The following AGBL4 variants were observed in gnomAD, a reference collection of about 807,000 sequenced individuals.
The protein encoded by AGBL4 is cytosolic carboxypeptidase 6.
In AGBL4, 58 loss-of-function variants were observed where a neutral mutation model predicts 66.4. That is an observed-to-expected ratio of 0.87 (90% CI 0.71 to 1.09). The LOEUF (loss-of-function observed/expected upper bound fraction) is 1.09, where lower values mean the gene tolerates loss of function less well. Among genes scored for constraint, AGBL4 ranks in the 50% least tolerant of loss-of-function variants. The probability of loss-of-function intolerance (pLI) is 0.00; values close to 1 mark genes in which losing one functional copy is unlikely to be tolerated. For synonymous variants in AGBL4, 234 were observed against 222.9 expected, an observed-to-expected ratio of 1.05 and a Z score of -0.44; for missense variants, 579 against 631.0, an observed-to-expected ratio of 0.92 and a Z score of 0.88.
At chr1:49,826,812 C>G (rs1364121319) in intron 2 of AGBL4, among the ~76,000 whole-genome samples, 1 of 152,092 alleles carries the variant, frequency 6.6e-6, no homozygotes, top group Admixed American at 6.6e-5. Context: ...TTCCTGCCCT[C>G]AAGAAGTTTA....
At chr1:49,349,935 G>C (rs1645715219) in intron 3 of AGBL4, among the ~76,000 whole-genome samples, 2 of 152,158 alleles carry the variant, frequency 1.3e-5, no homozygotes, top group South Asian at 4.1e-4. Context: ...TACAAGCCAG[G>C]GAGGAGGCCT....
At chr1:49,886,683 T>G (rs1037810745) in intron 1 of AGBL4, among the ~76,000 whole-genome samples, 1 of 152,158 alleles carries the variant, frequency 6.6e-6, no homozygotes, top group Non-Finnish European at 1.5e-5. Context: ...CACCCTGTCA[T>G]GCAGAAGCAG....
At chr1:49,547,775 C>CTT (rs376829267) in intron 3 of AGBL4, among the ~76,000 whole-genome samples, 6 of 142,574 alleles carry the variant, frequency 4.2e-5, no homozygotes, top group Admixed American at 7.0e-5. Flanking sequence ...GGGGTTGAGT[C>CTT]TTTTTTTTTT....
intron 6 of AGBL4, among the ~76,000 whole-genome samples, chr1:48,841,184 G>A (rs578158540): frequency 6.6e-6 from 1 of 152,250 alleles, no homozygotes; most frequent in African/African-American, 2.4e-5. Flanking sequence ...TATCCTGGTT[G>A]TGGTGGCAGT....
chr1:48,698,071 C>G (rs923834075), intron 6 of AGBL4, among the ~76,000 whole-genome samples: 20 of 152,184 alleles, frequency 1.3e-4, no homozygotes, highest in African/African-American at 4.3e-4. Flanking sequence ...AGCCCAGGCT[C>G]TGGACTGTGT....
chr1:48,764,035 T>C (rs771855323), intron 6 of AGBL4, among the ~76,000 whole-genome samples: 1 of 152,130 alleles, frequency 6.6e-6, no homozygotes, highest in African/African-American at 2.4e-5. Flanking sequence ...CTCTGTAGGA[T>C]CTAAACTGGC....
chr1:49,572,355 C>T (rs1249132704), intron 3 of AGBL4, among the ~76,000 whole-genome samples: 1 of 152,152 alleles, frequency 6.6e-6, no homozygotes, highest in East Asian at 1.9e-4. Flanking sequence ...TCATGACATA[C>T]AATTCTTTGC....
At chr1:48,659,025 G>C (rs1357220466) in intron 7 of AGBL4, among the ~76,000 whole-genome samples, 1 of 152,140 alleles carries the variant, frequency 6.6e-6, no homozygotes, top group Non-Finnish European at 1.5e-5. Flanking sequence ...AGGAGACCTC[G>C]ATCTAGTCCC....
chr1:49,865,877 G>A (rs1646687593), intron 1 of AGBL4: 3 of 344,234 alleles, frequency 8.7e-6, no homozygotes, highest in South Asian at 4.8e-5. Flanking sequence ...CATTACAGGA[G>A]CTGTTAATCA....
At chr1:49,382,321 G>C (rs967247327) in intron 3 of AGBL4, among the ~76,000 whole-genome samples, 1 of 151,974 alleles carries the variant, frequency 6.6e-6, no homozygotes. Flanking sequence ...TATAAGTTAG[G>C]CAATGCATCA....
At chr1:49,523,406 G>A (rs1447321766) in intron 3 of AGBL4, among the ~76,000 whole-genome samples, 2 of 152,040 alleles carry the variant, frequency 1.3e-5, no homozygotes, top group Non-Finnish European at 2.9e-5. Context: ...ACAGCGCAGA[G>A]TCATAAGGAT....
chr1:49,199,468 T>C (rs1376765225), intron 4 of AGBL4, among the ~76,000 whole-genome samples: 1 of 152,176 alleles, frequency 6.6e-6, no homozygotes, highest in Non-Finnish European at 1.5e-5. Flanking sequence ...GCTGTCCTCT[T>C]AAACAGAAAA....
chr1:49,609,992 A>G (rs1481631758), intron 3 of AGBL4, among the ~76,000 whole-genome samples: 1 of 152,190 alleles, frequency 6.6e-6, no homozygotes, highest in East Asian at 1.9e-4. Context: ...TTCAGAGTAG[A>G]TTTTAAAAGG....
intron 5 of AGBL4, among the ~76,000 whole-genome samples, chr1:49,037,472 C>T (rs75462903): frequency 0.014 from 2,088 of 152,122 alleles, 53 homozygotes; most frequent in African/African-American, 0.048. Flanking sequence ...TTCTTTAATT[C>T]GGCATTCAAG....
intron 3 of AGBL4, among the ~76,000 whole-genome samples, chr1:49,460,799 G>C (rs1304306569): frequency 6.6e-6 from 1 of 151,492 alleles, no homozygotes; most frequent in Non-Finnish European, 1.5e-5. Context: ...TCTTGGGAGT[G>C]GTGAATACTC....
chr1:48,733,415 C>T (rs1330240980), intron 6 of AGBL4, among the ~76,000 whole-genome samples: 2 of 152,180 alleles, frequency 1.3e-5, no homozygotes, highest in Non-Finnish European at 1.5e-5. Flanking sequence ...TGCCTCAAAA[C>T]TGTGGAAATT....
rs540148822 is a variant in AGBL4 at position 49,604,628 on chromosome 1, A to T, written c.282+92685T>A. ...TTGTCGCATTTGCTTTAGGGGTCTT[A>T]ATTTTTTGAATCATTTTATGGATTT... On this transcript the variant is annotated intron_variant, in intron 3 of 13. Coordinates refer to ENST00000371839, the MANE Select transcript of AGBL4 (RefSeq NM_032785.4). Among the ~76,000 whole-genome samples the T allele has an allele frequency of 1.4e-4, 21 of 152,158 alleles. No homozygotes were observed. In the South Asian group the frequency reaches 2.1e-3, roughly 15 times the overall value.
chr1:49,466,891 C>G (rs1303185401), intron 3 of AGBL4, among the ~76,000 whole-genome samples: 2 of 151,662 alleles, frequency 1.3e-5, no homozygotes, highest in South Asian at 2.1e-4. Flanking sequence ...GATGAATCAT[C>G]CAGAGATAGT....
At chr1:49,510,792 T>C (rs1356565602) in intron 3 of AGBL4, among the ~76,000 whole-genome samples, 1 of 151,122 alleles carries the variant, frequency 6.6e-6, no homozygotes, top group Non-Finnish European at 1.5e-5. Context: ...AGTTTCAGCT[T>C]TCTACATATG....
Sources: gnomAD v4.1 joint callset for allele counts (sites outside exome capture counted in the v4.1 genomes callset) on GRCh38, gnomAD v4.1.1 for gene constraint, MANE v1.5 for transcripts, NCBI Gene and HGNC (gene_info 2026-07-23, HGNC 2026-07-21) for gene names.